Variants in FGF13 observed in about 807,000 individuals in gnomAD.
The protein encoded by FGF13 is fibroblast growth factor homologous factor 2.
FGF13 carries 2 observed loss-of-function variants against 19.5 expected under a neutral mutation model. The ratio of observed to expected loss-of-function variants is 0.10; its 90% CI spans 0.04 to 0.32. FGF13 has a LOEUF of 0.32. FGF13 is among the 10% of genes least tolerant of loss of function. The pLI is 1.00. For missense variants in FGF13, 113 were observed against 192.7 expected (o/e 0.59, Z 2.45); for synonymous variants, 72 against 76.9 (o/e 0.94, Z 0.33).
chrX:138,981,601 G>A (rs1280773531), intron 1 of FGF13, among the ~76,000 whole-genome samples: 1 of 110,622 alleles, frequency 9.0e-6, no homozygotes, highest in Admixed American at 9.6e-5. Context: ...CAATCAGCCT[G>A]CTCCATCAGG....
chrX:138,762,001 A>G (rs1162887704), intron 3 of FGF13, among the ~76,000 whole-genome samples: 2 of 105,831 alleles, frequency 1.9e-5, no homozygotes, highest in Non-Finnish European at 3.9e-5. Flanking sequence ...AAGGTTCTAT[A>G]CCTCTGCAGT....
intron 1 of FGF13, among the ~76,000 whole-genome samples, chrX:139,080,460 G>T (rs1442369905): frequency 8.9e-6 from 1 of 111,993 alleles, no homozygotes; most frequent in African/African-American, 3.2e-5. Context: ...TAATGAGGCT[G>T]AAGAAGATGA....
At chrX:138,866,083 C>T (rs975649261) in intron 1 of FGF13, among the ~76,000 whole-genome samples, 4 of 112,719 alleles carry the variant, frequency 3.5e-5, no homozygotes, top group Non-Finnish European at 5.6e-5. Context: ...ATGACATCCA[C>T]GAGAAAGGGG....
intron 3 of FGF13, among the ~76,000 whole-genome samples, chrX:138,655,018 T>C (rs1183391290): frequency 9.0e-6 from 1 of 111,581 alleles, no homozygotes; most frequent in Non-Finnish European, 1.9e-5. Flanking sequence ...GCTCCTCCCA[T>C]TGCCAGGAAA....
At chrX:138,933,275 A>G (rs1027016680) in intron 1 of FGF13, among the ~76,000 whole-genome samples, 1 of 111,814 alleles carries the variant, frequency 8.9e-6, no homozygotes, top group Admixed American at 9.5e-5. Context: ...CCAAGGGCAT[A>G]CTAATTTTTT....
chrX:138,796,475 T>C (rs1002924023), intron 3 of FGF13, among the ~76,000 whole-genome samples: 2 of 112,193 alleles, frequency 1.8e-5, no homozygotes, highest in Admixed American at 1.9e-4. Context: ...CTATCATTGA[T>C]GGGCATTTGG....
chrX:138,888,195 G>A (rs1249860754), intron 1 of FGF13, among the ~76,000 whole-genome samples: 1 of 111,702 alleles, frequency 9.0e-6, no homozygotes, highest in African/African-American at 3.3e-5. Context: ...ATAATAATAC[G>A]CCATTGAGTT....
At chrX:138,919,871 A>T (rs2091635950) in intron 1 of FGF13, among the ~76,000 whole-genome samples, 2 of 111,023 alleles carry the variant, frequency 1.8e-5, no homozygotes, top group African/African-American at 6.5e-5. Flanking sequence ...TAACTGGTGA[A>T]ATCTGGGAAA....
At chrX:139,118,310 A>G (rs772336083) in intron 1 of FGF13, among the ~76,000 whole-genome samples, 1 of 112,352 alleles carries the variant, frequency 8.9e-6, no homozygotes, top group African/African-American at 3.2e-5. Context: ...AATATTTTCA[A>G]CTTACTATGG....
chrX:139,077,781 T>A (rs184867104), intron 1 of FGF13, among the ~76,000 whole-genome samples: 2 of 112,095 alleles, frequency 1.8e-5, no homozygotes, highest in African/African-American at 6.5e-5. Context: ...ACTAAGTATA[T>A]TTTTTAGTGA....
At chrX:139,093,817 C>T (rs762897712) in intron 1 of FGF13, among the ~76,000 whole-genome samples, 1 of 112,057 alleles carries the variant, frequency 8.9e-6, no homozygotes, top group African/African-American at 3.2e-5. Flanking sequence ...TAACTGAGCC[C>T]TCCAATAGCG....
chrX:138,991,324 T>C (rs1479256297), intron 1 of FGF13, among the ~76,000 whole-genome samples: 1 of 112,140 alleles, frequency 8.9e-6, no homozygotes, highest in East Asian at 2.8e-4. Flanking sequence ...AAATAAATGG[T>C]TGTTATTGCT....
rs142176020 is a variant in FGF13, at chrX:138,746,922, G to C, written c.218-37994C>G. 3.0e-3 allele frequency among the ~76,000 whole-genome samples: 332 copies of C among 111,466 alleles called. 2 individuals are homozygous for C. Among genetic ancestry groups the C allele is most frequent in the African/African-American group, 0.01 (321 of 30,639 alleles). ...ATGCAAGTCCCTTAGTATCTCCCTA[G>C]GGCACTCTACCCTGGGCTGTAAGCA... is the stretch of plus-strand genomic sequence containing the variant. On this transcript the variant is annotated intron_variant, in intron 3 of 6. Coordinates refer to the FGF13 transcript ENST00000436198.
intron 1 of FGF13, among the ~76,000 whole-genome samples, chrX:138,911,470 T>C (rs1178472448): frequency 2.8e-5 from 3 of 108,145 alleles, no homozygotes; most frequent in African/African-American, 1.0e-4. Context: ...CAGAGAGTGG[T>C]GGGGGGAGGC....
intron 1 of FGF13, among the ~76,000 whole-genome samples, chrX:139,048,683 T>A: frequency 9.1e-6 from 1 of 109,760 alleles, no homozygotes; most frequent in Non-Finnish European, 1.9e-5. Context: ...TACTACCTTG[T>A]TTGTGAATGG....
intron 1 of FGF13, among the ~76,000 whole-genome samples, chrX:138,978,510 C>T (rs922581207): frequency 9.0e-6 from 1 of 111,022 alleles, no homozygotes; most frequent in African/African-American, 3.3e-5. Flanking sequence ...GATCCGCCCG[C>T]CGCGGCCTCC....
At chrX:138,692,720 A>ATG (rs780289338) in intron 3 of FGF13, among the ~76,000 whole-genome samples, 5,990 of 108,640 alleles carry the variant, frequency 0.055, 177 homozygotes, top group Non-Finnish European at 0.082. Context: ...GCATGTGTGT[A>ATG]TGTGTGTGTG....
intron 3 of FGF13, among the ~76,000 whole-genome samples, chrX:138,663,436 T>C (rs181524860): frequency 8.1e-5 from 9 of 111,769 alleles, no homozygotes; most frequent in African/African-American, 2.6e-4. Flanking sequence ...TAGTTGAAAG[T>C]TGACTAACAA....
intron 3 of FGF13, among the ~76,000 whole-genome samples, chrX:138,751,880 T>C (rs978680706): frequency 1.7e-4 from 19 of 111,936 alleles, no homozygotes; most frequent in Non-Finnish European, 2.3e-4. Context: ...ATTTGCTATA[T>C]TATTTAATTT....
Sources: gnomAD v4.1 joint callset for allele counts (sites outside exome capture counted in the v4.1 genomes callset) on GRCh38, gnomAD v4.1.1 for gene constraint, MANE v1.5 for transcripts, NCBI Gene and HGNC (gene_info 2026-07-23, HGNC 2026-07-21) for gene names.